The following CSF2RA variants were observed in gnomAD, a reference collection of about 807,000 sequenced individuals.
CSF2RA encodes granulocyte-macrophage colony-stimulating factor receptor subunit alpha.
A neutral mutation model predicts 51.6 loss-of-function variants in CSF2RA; 42 were observed. The observed-to-expected ratio is 0.81, with a 90% CI of 0.64 to 1.05. The LOEUF (loss-of-function observed/expected upper bound fraction) is 1.05. CSF2RA is among the 50% of genes least tolerant of loss of function. The probability of loss-of-function intolerance (pLI) is 0.00; values close to 1 mark genes in which losing one functional copy is unlikely to be tolerated. For synonymous variants in CSF2RA, 222 were observed against 193.0 expected (o/e 1.15, Z -1.24); for missense variants, 530 against 501.1 (o/e 1.06, Z -0.55).
chrX:1,315,261 A>G (rs1261550947), downstream of CSF2RA, among the ~76,000 whole-genome samples: 15 of 152,138 alleles, frequency 9.9e-5, no homozygotes, highest in African/African-American at 3.4e-4. Context: ...TAGATGATAT[A>G]TATAGAAGAC....
chrX:1,314,988 T>G (rs1427446612), downstream of CSF2RA, among the ~76,000 whole-genome samples: 1 of 115,452 alleles, frequency 8.7e-6, no homozygotes, highest in African/African-American at 3.1e-5. Flanking sequence ...CCAATCGCAC[T>G]GCACCTGCCC....
At chrX:1,319,525 C>T in the CSF2RA span, among the ~76,000 whole-genome samples, 2 of 147,228 alleles carry the variant, frequency 1.4e-5, no homozygotes, top group African/African-American at 2.5e-5. Context: ...TGGCCTCAAG[C>T]GATCCACCCT....
downstream of CSF2RA, among the ~76,000 whole-genome samples, chrX:1,314,573 A>ACCTGCCCAACCCCACTGTG (rs2084418357): frequency 2.7e-5 from 1 of 37,418 alleles, no homozygotes; most frequent in African/African-American, 1.6e-4. Context: ...ATCCCACTGC[A>ACCTGCCCAACCCCACTGTG]CCTGCCCAAC....
intron 12 of CSF2RA, chrX:1,305,799 G>A: frequency 6.5e-7 from 1 of 1,549,632 alleles, no homozygotes; most frequent in South Asian, 1.2e-5. Context: ...CGGTAGAGAG[G>A]GCCAGGCACG....
intron 1 of CSF2RA, among the ~76,000 whole-genome samples, chrX:1,269,730 G>A (rs1167070533): frequency 2.6e-5 from 4 of 152,008 alleles, no homozygotes; most frequent in Non-Finnish European, 5.9e-5. Flanking sequence ...TCCTGATCCA[G>A]ACTTCAAGAA....
In CSF2RA at chrX:1,282,763, G is replaced by A. The variant is rs2090194060; in HGVS notation, c.60G>A (p.Leu20=). 6.2e-7 allele frequency: 1 copy of A among 1,613,762 alleles called. No homozygotes were observed. Among genetic ancestry groups the A allele is most frequent in the Non-Finnish European group, 8.5e-7 (1 of 1,179,748 alleles). The change falls in exon 3 of 13, where the codon CTG becomes CTA. Residue 20 remains leucine (L), a synonymous_variant. Coordinates refer to ENST00000381529, the MANE Select transcript of CSF2RA (RefSeq NM_172245.4). ...AGTTACCACACCCAGCATTCCTCCT[G>A]ATCCCAGAGAAATCGGGTAAGTATG... ...LCELPHPAFL[L]IPEKSDLRTV... is the part of the protein sequence containing the mutation.
downstream of CSF2RA, among the ~76,000 whole-genome samples, chrX:1,314,526 T>TGCACCTGCCCAAC (rs2084405558): frequency 3.2e-5 from 1 of 31,558 alleles, no homozygotes; most frequent in African/African-American, 1.7e-4. Flanking sequence ...ACCTGCCCAA[T>TGCACCTGCCCAAC]CCCACTGCAC....
rs867375245 is a variant in CSF2RA, at chrX:1,307,834, C to T, written c.1126-1568C>T. 6.4e-4 allele frequency among the ~76,000 whole-genome samples: 59 copies of T among 91,784 alleles called. 21 individuals carry two copies. Among genetic ancestry groups the T allele is most frequent in the South Asian group, 1.1e-3 (3 of 2,702 alleles). 60.2% of individuals were successfully genotyped at this position (91,784 alleles called of 152,430 possible). On this transcript the variant is annotated intron_variant, in intron 12 of 12. Transcript: ENST00000381529. ...GATTAGATGAGGCCTACCCTTCTCC[C>T]TTTAGACCTTTGACTGATTAGATGA...
intron 10 of CSF2RA, among the ~76,000 whole-genome samples, chrX:1,301,751 C>G (rs1238428945): frequency 6.6e-6 from 1 of 151,048 alleles, no homozygotes. Flanking sequence ...TGCCCATCAC[C>G]ACGCCTGGCT....
At chrX:1,289,061 A>G in intron 6 of CSF2RA, 173 bp downstream of exon 6, 1 of 832,178 alleles carries the variant, frequency 1.2e-6, no homozygotes, top group Non-Finnish European at 1.9e-6. Context: ...TCCTGGGTTC[A>G]AGCAATTTTC....
At chrX:1,318,184 A>G in the CSF2RA span, among the ~76,000 whole-genome samples, 1 of 140,698 alleles carries the variant, frequency 7.1e-6, no homozygotes, top group East Asian at 2.1e-4. Context: ...TTTTTTTGAG[A>G]CAGAGTTTCA....
intron 11 of CSF2RA, among the ~76,000 whole-genome samples, chrX:1,304,758 G>T (rs185324657): frequency 7.0e-6 from 1 of 142,710 alleles, no homozygotes; most frequent in East Asian, 2.2e-4. Context: ...TCCACCTCCC[G>T]GGTTCACGCC....
chrX:1,309,543 T>G lies in CSF2RA; in HGVS notation c.*64T>G. 1 of 1,614,020 alleles carries G rather than the reference T, an allele frequency of 6.2e-7. No individual in the cohort carries two copies. The highest frequency in any genetic ancestry group is 1.1e-5 in the South Asian group (1 of 91,080). On this transcript the variant is annotated 3_prime_UTR_variant, in exon 13 of 13. Transcript: ENST00000381529. Reference sequence around the variant, plus strand: ...TCCGCGACACGGGGGAACTGTTTTCTTGATGATGCTGTGAACCTTTATATC... The same window carrying G: ...TCCGCGACACGGGGGAACTGTTTTCGTGATGATGCTGTGAACCTTTATATC...
chrX:1,307,586 CT>C (rs2083740882), intron 12 of CSF2RA, among the ~76,000 whole-genome samples: 1 of 37,282 alleles, frequency 2.7e-5, no homozygotes, highest in Admixed American at 3.0e-4. Context: ...GAGGCCCACC[CT>C]TCCCCCTTCA....
Position 1,285,850 on chromosome X carries a change from A to T in CSF2RA, c.149A>T (p.Asp50Val). The T allele has an allele frequency of 1.9e-6, 3 of 1,613,848 alleles. No individual in the cohort carries two copies. The highest frequency in any genetic ancestry group is 2.5e-6 in the Non-Finnish European group (3 of 1,179,860). The change falls in exon 4 of 13, where the codon GAC becomes GTC. Residue 50 changes from aspartate (D) to valine (V), a missense_variant. Transcript: ENST00000381529. ...FDSRTMNLSW[D>V]CQENTTFSKC... ...TCCAGGACGATGAATTTAAGCTGGG[A>T]CTGCCAAGAAAACACAACCTTCAGC...
In CSF2RA at chrX:1,286,444, C is replaced by G. The variant is rs1193653635; in HGVS notation, c.219+524C>G. Reference sequence around the variant, plus strand: ...ATTAGTCGGGCATGGTGGCAGGCATCTGTAATCCCAGCTACTCGGGAGGCT... The same window carrying G: ...ATTAGTCGGGCATGGTGGCAGGCATGTGTAATCCCAGCTACTCGGGAGGCT... On this transcript the variant is annotated intron_variant, in intron 4 of 12. Coordinates refer to ENST00000381529, the MANE Select transcript of CSF2RA (RefSeq NM_172245.4). Among the ~76,000 whole-genome samples, 5 of 148,440 alleles carry G rather than the reference C, an allele frequency of 3.4e-5. No individual in the cohort carries two copies. The South Asian group carries it at 1.1e-3, about 33-fold the overall frequency.
chrX:1,314,434 C>T (rs1485354193), downstream of CSF2RA, among the ~76,000 whole-genome samples: 44 of 148,588 alleles, frequency 3.0e-4, 1 homozygote, highest in Middle Eastern at 7.4e-3. Flanking sequence ...TGCCCAACCG[C>T]ACTGCACTTG....
chrX:1,287,092 G>C (rs1192207984), intron 4 of CSF2RA: 1 of 151,784 alleles, frequency 6.6e-6, no homozygotes, highest in Non-Finnish European at 1.5e-5. Flanking sequence ...CAATTCTATA[G>C]GTAGATGCTA....
rs777638014 is a variant in CSF2RA at position 1,288,831 on chromosome X, C to G, written c.416C>G (p.Ala139Gly). 3 of 1,613,788 alleles carry G rather than the reference C, an allele frequency of 1.9e-6. No homozygotes were observed. The highest frequency in any genetic ancestry group is 2.5e-6 in the Non-Finnish European group (3 of 1,179,878). Residue 139 changes from alanine to glycine, a missense_variant, in exon 6 of 13, where the codon GCG (alanine) becomes GGG (glycine). Coordinates refer to ENST00000381529, the MANE Select transcript of CSF2RA (RefSeq NM_172245.4). The stretch of plus-strand genomic sequence containing the variant: ...GCGGATTTAATGAACTGTACCTGGG[C>G]GAGGGGTCCGACGGCCCCCCGTGAC... ...YNADLMNCTW[A>G]RGPTAPRDVQ...
Sources: allele counts gnomAD v4.1 joint callset (sites outside exome capture counted in the v4.1 genomes callset), GRCh38; gene constraint gnomAD v4.1.1; transcripts MANE v1.5; gene names NCBI Gene and HGNC (gene_info 2026-07-23, HGNC 2026-07-21).